Variants in DRD3 observed in about 807,000 individuals in gnomAD.
The protein encoded by DRD3 is D(3) dopamine receptor.
DRD3 carries 19 observed loss-of-function variants against 36.3 expected under a neutral mutation model. The ratio of observed to expected loss-of-function variants is 0.52; its 90% CI spans 0.36 to 0.77. DRD3 has a LOEUF of 0.77. Among genes scored for constraint, DRD3 ranks in the 30% least tolerant of loss-of-function variants. The pLI is 0.00. For synonymous variants in DRD3, 195 were observed against 203.7 expected (o/e 0.96, Z 0.36); for missense variants, 465 against 505.3 (o/e 0.92, Z 0.77).
chr3:114,128,376 GA>G lies in DRD3; in HGVS notation c.*339del, dbSNP rs2077396058. 6.6e-6 allele frequency among the ~76,000 whole-genome samples: 1 copy of G among 152,302 alleles called. No individual in the cohort carries two copies. The highest frequency in any genetic ancestry group is 2.1e-4 in the South Asian group (1 of 4,828). ...GATTTCAAGGACCCCTGCAAGTTGA[GA>G]ATGATGAGATCTGTTCATTTTCCTT... On this transcript the variant is annotated 3_prime_UTR_variant, in exon 7 of 7. Coordinates refer to ENST00000383673, the MANE Select transcript of DRD3 (RefSeq NM_000796.6).
chr3:114,143,312 G>C (rs749084726), intron 4 of DRD3, among the ~76,000 whole-genome samples: 29 of 152,242 alleles, frequency 1.9e-4, no homozygotes, highest in Non-Finnish European at 3.4e-4. Flanking sequence ...TCTGAGATTA[G>C]AGATGCTTAT....
At chr3:114,145,620 A>T (rs915565678) in intron 4 of DRD3, among the ~76,000 whole-genome samples, 47 of 152,196 alleles carry the variant, frequency 3.1e-4, no homozygotes, top group African/African-American at 1.1e-3. Flanking sequence ...AATGGCAAAA[A>T]TCTCTCTGAA....
intron 1 of DRD3, among the ~76,000 whole-genome samples, chr3:114,184,297 TA>T (rs2107899711): frequency 6.6e-6 from 1 of 152,284 alleles, no homozygotes; most frequent in South Asian, 2.1e-4. Flanking sequence ...ATTATACCTT[TA>T]TATATTGTGT....
chr3:114,186,749 C>T (rs1304716799), intron 1 of DRD3, among the ~76,000 whole-genome samples: 1 of 152,224 alleles, frequency 6.6e-6, no homozygotes, highest in Non-Finnish European at 1.5e-5. Context: ...AAGTTGCAAG[C>T]TTTCAATAGA....
At chr3:114,185,083 A>G (rs187372113) in intron 1 of DRD3, among the ~76,000 whole-genome samples, 1 of 152,340 alleles carries the variant, frequency 6.6e-6, no homozygotes, top group Non-Finnish European at 1.5e-5. Context: ...AAGTTTGATT[A>G]TAGTGAGTCT....
chr3:114,135,672 T>C (rs2077468284), intron 5 of DRD3, among the ~76,000 whole-genome samples: 1 of 152,042 alleles, frequency 6.6e-6, no homozygotes, highest in Admixed American at 6.6e-5. Flanking sequence ...GTGTGTTTTT[T>C]TGTTTGTTTT....
intron 1 of DRD3, among the ~76,000 whole-genome samples, chr3:114,197,280 T>A (rs139256738): frequency 0.039 from 4,426 of 112,904 alleles, 14 homozygotes; most frequent in African/African-American, 0.059. Flanking sequence ...TAAAAAAATT[T>A]TTTTTTTTTT....
At chr3:114,188,391 T>C (rs573975707) in intron 1 of DRD3, among the ~76,000 whole-genome samples, 1 of 152,166 alleles carries the variant, frequency 6.6e-6, no homozygotes, top group South Asian at 2.1e-4. Flanking sequence ...TTTGTATTTT[T>C]AGTAGAGATG....
chr3:114,183,336 G>A (rs151198389), upstream of DRD3, among the ~76,000 whole-genome samples: 1,095 of 152,242 alleles, frequency 7.2e-3, 11 homozygotes, highest in Middle Eastern at 0.061. Context: ...ACAATTTGTG[G>A]CCTAACATAT....
At chr3:114,130,961 C>T (rs1036218921) in intron 6 of DRD3, among the ~76,000 whole-genome samples, 157 bp downstream of exon 6, 20 of 152,140 alleles carry the variant, frequency 1.3e-4, no homozygotes, top group African/African-American at 4.8e-4. Flanking sequence ...TGAATTTCCA[C>T]CAGAGTTAGC....
At chr3:114,175,811 A>G (rs543616528) in intron 1 of DRD3, 1 of 152,344 alleles carries the variant, frequency 6.6e-6, no homozygotes, top group African/African-American at 2.4e-5. Context: ...AAAGTCCAGC[A>G]AACAGTGTTA....
chr3:114,181,947 G>A (rs2077950462), upstream of DRD3, among the ~76,000 whole-genome samples: 1 of 152,124 alleles, frequency 6.6e-6, no homozygotes, highest in Admixed American at 6.5e-5. Context: ...AGCATTATGG[G>A]GAGGCAATTT....
intron 1 of DRD3, among the ~76,000 whole-genome samples, chr3:114,199,011 T>C (rs1473262870): frequency 6.6e-6 from 1 of 152,230 alleles, no homozygotes; most frequent in East Asian, 1.9e-4. Context: ...TCCCAAAGCA[T>C]GGGGATTATT....
At chr3:114,177,861 A>G (rs1192561483) in intron 1 of DRD3, among the ~76,000 whole-genome samples, 1 of 152,212 alleles carries the variant, frequency 6.6e-6, no homozygotes, top group African/African-American at 2.4e-5. Context: ...TTATCTAAGG[A>G]CAGATATTTT....
intron 3 of DRD3, among the ~76,000 whole-genome samples, chr3:114,153,290 C>T (rs1308949657): frequency 6.6e-6 from 1 of 151,750 alleles, no homozygotes; most frequent in Non-Finnish European, 1.5e-5. Context: ...GTCACAGTGC[C>T]CAGTGATTAA....
chr3:114,171,289 T>A (rs926028144), intron 2 of DRD3, among the ~76,000 whole-genome samples: 10 of 152,136 alleles, frequency 6.6e-5, no homozygotes, highest in Admixed American at 5.9e-4. Flanking sequence ...CACTAATTTT[T>A]TTTTTCTATA....
intron 1 of DRD3, among the ~76,000 whole-genome samples, chr3:114,177,046 T>C (rs746909745): frequency 3.9e-5 from 6 of 152,284 alleles, no homozygotes; most frequent in Non-Finnish European, 8.8e-5. Flanking sequence ...TTCTTAACTA[T>C]GCCACTTAAC....
At chr3:114,158,400 A>C (rs2077702627) in intron 3 of DRD3, among the ~76,000 whole-genome samples, 1 of 152,230 alleles carries the variant, frequency 6.6e-6, no homozygotes, top group Admixed American at 6.5e-5. Flanking sequence ...TGGGGATTTT[A>C]GAATATTTTT....
intron 5 of DRD3, among the ~76,000 whole-genome samples, chr3:114,138,510 A>T (rs757405491): frequency 1.9e-4 from 29 of 152,172 alleles, no homozygotes; most frequent in Non-Finnish European, 4.0e-4. Flanking sequence ...CTTATTCACT[A>T]TCATGAGAAC....
Sources: gnomAD v4.1 joint callset for allele counts (sites outside exome capture counted in the v4.1 genomes callset) on GRCh38, gnomAD v4.1.1 for gene constraint, MANE v1.5 for transcripts, NCBI Gene and HGNC (gene_info 2026-07-23, HGNC 2026-07-21) for gene names.